The following DNAH11 variants were observed in gnomAD, a reference collection of about 807,000 sequenced individuals.
DNAH11 encodes dynein axonemal heavy chain 11.
DNAH11 carries 442 observed loss-of-function variants against 526.0 expected under a neutral mutation model. The observed-to-expected ratio is 0.84, with a 90% CI of 0.78 to 0.91. The LOEUF is 0.91. Among genes scored for constraint, DNAH11 ranks in the 40% least tolerant of loss-of-function variants. The pLI, the probability that DNAH11 is intolerant of heterozygous loss-of-function variation, is 0.00. For missense variants in DNAH11, 6,989 were observed against 5,448.7 expected, an observed-to-expected ratio of 1.28 and a Z score of -8.90; for synonymous variants, 2,461 against 1,935.9, an observed-to-expected ratio of 1.27 and a Z score of -7.12.
At chr7:21,858,474 C>G (rs1387969628) in intron 68 of DNAH11, among the ~76,000 whole-genome samples, 2 of 152,194 alleles carry the variant, frequency 1.3e-5, no homozygotes, top group Non-Finnish European at 2.9e-5. Context: ...ATCCAAAGGA[C>G]TGACACATTA....
At position 21,845,660 on chromosome 7, in the gene DNAH11, A is replaced by T. The variant is rs139380583; in HGVS notation, c.10896+2912A>T. 5.5e-4 allele frequency among the ~76,000 whole-genome samples: 84 copies of T among 152,262 alleles called. 1 individual carries two copies. The East Asian group carries it at 0.015, about 27-fold the overall frequency. On this transcript the variant is annotated intron_variant, in intron 66 of 81. Coordinates refer to ENST00000409508, the MANE Select transcript of DNAH11 (RefSeq NM_001277115.2). ...ATAGTCTGGAAGCCAAGTAGTGTCA[A>T]TTCTCTGACTTTGTTTTTCTGTATA...
At chr7:21,565,980 TG>T (rs2128434179) in intron 6 of DNAH11, among the ~76,000 whole-genome samples, 1 of 152,306 alleles carries the variant, frequency 6.6e-6, no homozygotes, top group South Asian at 2.1e-4. Flanking sequence ...ACAGGTTCCC[TG>T]GGTCCTAATG....
chr7:21,626,745 CTTTTTTTTTTTTT>C (rs34136253), intron 25 of DNAH11, among the ~76,000 whole-genome samples: 1 of 66,386 alleles, frequency 1.5e-5, no homozygotes, highest in African/African-American at 6.0e-5. Flanking sequence ...TTCTGTATGT[CTTTTTTTTTTTTT>C]TTTTTTTTTT....
intron 25 of DNAH11, among the ~76,000 whole-genome samples, chr7:21,627,982 C>T (rs905042559): frequency 6.6e-6 from 1 of 151,770 alleles, no homozygotes; most frequent in African/African-American, 2.4e-5. Context: ...CATATAGAAA[C>T]TTTCACTTTT....
intron 62 of DNAH11, among the ~76,000 whole-genome samples, chr7:21,804,300 G>T (rs907305410): frequency 3.9e-5 from 6 of 151,900 alleles, no homozygotes; most frequent in African/African-American, 7.3e-5. Flanking sequence ...TATTAGAGAC[G>T]GGGTTTCACC....
At chr7:21,667,677 T>C (rs963277931) in intron 30 of DNAH11, among the ~76,000 whole-genome samples, 3 of 152,128 alleles carry the variant, frequency 2.0e-5, no homozygotes, top group African/African-American at 7.2e-5. Context: ...CCAATAATAC[T>C]GACAAATTTT....
chr7:21,582,874 G>A (rs1784363314), intron 9 of DNAH11, among the ~76,000 whole-genome samples: 4 of 152,136 alleles, frequency 2.6e-5, no homozygotes, highest in Non-Finnish European at 5.9e-5. Flanking sequence ...GATATTGTTT[G>A]ATTTTGACCT....
rs1412457814 is a variant in DNAH11, at chr7:21,787,612, A to G, written c.9924+29A>G. ...TCAATCCTAAATTGATTGTTTACAGATGTTCTCCACAAAGGGCTGCAAACA... is the reference window on the plus strand; with the variant it reads ...TCAATCCTAAATTGATTGTTTACAGGTGTTCTCCACAAAGGGCTGCAAACA... On this transcript the variant is annotated intron_variant, in intron 60 of 81. Coordinates refer to ENST00000409508, the MANE Select transcript of DNAH11 (RefSeq NM_001277115.2). 5.1e-6 allele frequency: 8 copies of G among 1,564,592 alleles called. No individual in the cohort carries two copies. The South Asian group carries it at 7.4e-5, about 14-fold the overall frequency.
intron 34 of DNAH11, 69 bp from the exon 35 acceptor site, chr7:21,690,696 T>C (rs1352448201): frequency 3.3e-6 from 4 of 1,199,850 alleles, no homozygotes; most frequent in African/African-American, 3.1e-5. Flanking sequence ...TTGCAGTGGT[T>C]TGCATTTGTC....
At chr7:21,621,643 C>T (rs954652068) in intron 25 of DNAH11, among the ~76,000 whole-genome samples, 15 of 151,828 alleles carry the variant, frequency 9.9e-5, no homozygotes, top group Admixed American at 7.2e-4. Flanking sequence ...TGGGCTTCAT[C>T]CCTGGGATGC....
intron 25 of DNAH11, among the ~76,000 whole-genome samples, chr7:21,627,045 G>A (rs1350441140): frequency 6.6e-6 from 1 of 152,142 alleles, no homozygotes; most frequent in East Asian, 1.9e-4. Context: ...ACAGCGCCCG[G>A]CCTGTGTGTC....
chr7:21,551,148 G>C (rs1044947992), intron 2 of DNAH11, among the ~76,000 whole-genome samples: 1 of 152,124 alleles, frequency 6.6e-6, no homozygotes, highest in African/African-American at 2.4e-5. Context: ...CCATCAAGAA[G>C]TACCCATTTG....
intron 2 of DNAH11, among the ~76,000 whole-genome samples, chr7:21,550,115 C>T (rs553645485): frequency 1.7e-4 from 23 of 133,854 alleles, no homozygotes; most frequent in African/African-American, 6.8e-4. Context: ...GACCTGTGCA[C>T]TTTACATTCG....
intron 61 of DNAH11, among the ~76,000 whole-genome samples, chr7:21,792,230 A>G (rs1340112895): frequency 6.6e-6 from 1 of 152,160 alleles, no homozygotes; most frequent in East Asian, 1.9e-4. Context: ...ACTCATTTGC[A>G]TATGAACTGT....
At chr7:21,643,002 G>T (rs117425991) in intron 28 of DNAH11, among the ~76,000 whole-genome samples, 2 of 152,192 alleles carry the variant, frequency 1.3e-5, no homozygotes, top group Non-Finnish European at 1.5e-5. Context: ...CAAGGTTATC[G>T]ATTAACTAAA....
intron 68 of DNAH11, among the ~76,000 whole-genome samples, chr7:21,856,719 A>C (rs1449425607): frequency 1.3e-5 from 2 of 152,224 alleles, no homozygotes; most frequent in Admixed American, 1.3e-4. Flanking sequence ...ACAGAATAAA[A>C]GAAAAAAAAG....
intron 55 of DNAH11, among the ~76,000 whole-genome samples, chr7:21,768,326 A>G (rs1030269013): frequency 1.3e-5 from 2 of 152,354 alleles, no homozygotes; most frequent in East Asian, 3.9e-4. Context: ...CGGTTTCTAC[A>G]ACGAAAAATC....
At position 21,866,594 on chromosome 7, in the gene DNAH11, A is replaced by T. The variant is rs758181910; in HGVS notation, c.11621A>T (p.Lys3874Met). The T allele has an allele frequency of 6.2e-7, 1 of 1,613,992 alleles. No individual in the cohort carries two copies. The highest frequency in any genetic ancestry group is 8.5e-7 in the Non-Finnish European group (1 of 1,179,872). Residue 3874 changes from lysine to methionine, a missense_variant, in exon 71 of 82, where the codon AAG becomes ATG. Lys to Met is a moderately conservative substitution (Grantham distance 95). Coordinates refer to ENST00000409508, the MANE Select transcript of DNAH11 (RefSeq NM_001277115.2). The stretch of plus-strand genomic sequence containing the variant: ...GAAAAATTACCTCAAGAATGGAAGA[A>T]GAAAAGTTTAATACAGAAGCTGATT... ...EKEKLPQEWK[K>M]KSLIQKLILL...
intron 40 of DNAH11, 44 bp from the exon 41 acceptor site, chr7:21,710,509 A>G (rs1469542255): frequency 4.7e-6 from 7 of 1,502,992 alleles, no homozygotes; most frequent in Non-Finnish European, 6.3e-6. Context: ...AATAATATCA[A>G]TCTATCGTAG....
Sources: gnomAD v4.1 joint callset for allele counts (sites outside exome capture counted in the v4.1 genomes callset) on GRCh38, gnomAD v4.1.1 for gene constraint, MANE v1.5 for transcripts, NCBI Gene and HGNC (gene_info 2026-07-23, HGNC 2026-07-21) for gene names.